The following ETV6 variants were observed in gnomAD, a reference collection of about 807,000 sequenced individuals.
ETV6 encodes ETS variant transcription factor 6, also known as transcription factor ETV6.
Under a neutral mutation model 51.1 loss-of-function variants are expected in ETV6, and 16 were observed. The observed-to-expected ratio is 0.31, with a 90% confidence interval of 0.21 to 0.48. The LOEUF (loss-of-function observed/expected upper bound fraction) is 0.48, where lower values mean the gene tolerates loss of function less well. Among genes scored for constraint, ETV6 ranks in the 20% least tolerant of loss-of-function variants. The pLI is 0.99. For synonymous variants in ETV6, 240 were observed against 224.1 expected, an observed-to-expected ratio of 1.07 and a Z score of -0.64; for missense variants, 458 against 594.8, an observed-to-expected ratio of 0.77 and a Z score of 2.39.
intron 1 of ETV6, chr12:11,751,359 G>A (rs1866023451): frequency 1.9e-6 from 1 of 518,850 alleles, no homozygotes; most frequent in Non-Finnish European, 3.8e-6. Context: ...TTTTCATAGT[G>A]GCATCTTACT....
chr12:11,694,489 T>C (rs1864835402), intron 1 of ETV6, among the ~76,000 whole-genome samples: 1 of 152,194 alleles, frequency 6.6e-6, no homozygotes, highest in Non-Finnish European at 1.5e-5. Flanking sequence ...TCTGTAATGC[T>C]CAATATATTT....
At chr12:11,671,030 A>C (rs1355010955) in intron 1 of ETV6, among the ~76,000 whole-genome samples, 1 of 152,170 alleles carries the variant, frequency 6.6e-6, no homozygotes, top group Non-Finnish European at 1.5e-5. Context: ...GAATAACCCA[A>C]ACCTTAAAGG....
At position 11,893,794 on chromosome 12, in the gene ETV6, TTATATATATATATATATATATATATATA is replaced by T. The variant is rs57308697; in HGVS notation, c.*2769_*2796del. On this transcript the variant is annotated 3_prime_UTR_variant, in exon 8 of 8. Coordinates refer to ENST00000396373, the MANE Select transcript of ETV6 (RefSeq NM_001987.5). ...GTGTCCATCCCCAAGATCTCTCATT[TTATATATATATATATATATATATATATA>T]TATATATATATATATATATACACAC... 66 of 79,474 alleles carry T rather than the reference TTATATATATATATATATATATATATATA, an allele frequency of 8.3e-4. 1 individual carries two copies. Among genetic ancestry groups the T allele is most frequent in the Middle Eastern group, 5.1e-3 (1 of 198 alleles). The allele number at this position is 79,474 out of a possible 1,614,324, so 4.9% of individuals were successfully genotyped here.
At chr12:11,674,972 A>G (rs1334583659) in intron 1 of ETV6, among the ~76,000 whole-genome samples, 1 of 152,202 alleles carries the variant, frequency 6.6e-6, no homozygotes, top group Non-Finnish European at 1.5e-5. Context: ...CATTTATGGA[A>G]GGGATTTAAT....
chr12:11,727,222 G>A (rs1159731873), intron 1 of ETV6, among the ~76,000 whole-genome samples: 1 of 152,216 alleles, frequency 6.6e-6, no homozygotes, highest in Non-Finnish European at 1.5e-5. Flanking sequence ...GCTGTTGAAT[G>A]GGGAGTTTGT....
chr12:11,659,137 T>C (rs971652768), intron 1 of ETV6, among the ~76,000 whole-genome samples: 1 of 152,210 alleles, frequency 6.6e-6, no homozygotes, highest in Non-Finnish European at 1.5e-5. Flanking sequence ...TCGTGGAAGT[T>C]TAATTATACA....
At chr12:11,791,576 C>T (rs1372697717) in intron 2 of ETV6, among the ~76,000 whole-genome samples, 3 of 152,164 alleles carry the variant, frequency 2.0e-5, no homozygotes, top group African/African-American at 7.2e-5. Context: ...GCTTTGTATT[C>T]GTGTCCAGTT....
At chr12:11,711,953 G>T (rs1482039816) in intron 1 of ETV6, among the ~76,000 whole-genome samples, 1 of 152,092 alleles carries the variant, frequency 6.6e-6, no homozygotes, top group Non-Finnish European at 1.5e-5. Flanking sequence ...TTTTGTCAAG[G>T]CTCCAGCAAA....
intron 1 of ETV6, among the ~76,000 whole-genome samples, chr12:11,697,107 A>G (rs533705296): frequency 1.3e-5 from 2 of 152,352 alleles, no homozygotes; most frequent in Admixed American, 1.3e-4. Flanking sequence ...CATGGATTAC[A>G]TAGATTGTGA....
At chr12:11,848,738 C>A (rs1442847566) in intron 3 of ETV6, among the ~76,000 whole-genome samples, 1 of 152,330 alleles carries the variant, frequency 6.6e-6, no homozygotes, top group South Asian at 2.1e-4. Context: ...AAGTGAAGGG[C>A]CCCGAAGCTC....
chr12:11,668,048 G>T (rs920810367), intron 1 of ETV6, among the ~76,000 whole-genome samples: 1 of 151,818 alleles, frequency 6.6e-6, no homozygotes. Flanking sequence ...TTGCCTGGCT[G>T]GTCTTGAACT....
intron 1 of ETV6, among the ~76,000 whole-genome samples, chr12:11,650,621 C>A (rs1863888450): frequency 6.6e-6 from 1 of 150,614 alleles, no homozygotes; most frequent in Non-Finnish European, 1.5e-5. Flanking sequence ...GCGATAGAAT[C>A]TTTTTATTTT....
intron 7 of ETV6, 42 bp downstream of exon 7, chr12:11,886,068 C>CTGT (rs1555147724): frequency 7.0e-7 from 1 of 1,437,532 alleles, no homozygotes; most frequent in Non-Finnish European, 9.8e-7. Flanking sequence ...TGGGAGGATG[C>CTGT]TGTTTTCTTT....
At chr12:11,861,317 AGTCCTGCT>A (rs1465560979) in intron 4 of ETV6, among the ~76,000 whole-genome samples, 1 of 152,110 alleles carries the variant, frequency 6.6e-6, no homozygotes. Flanking sequence ...GCCTTCTGCA[AGTCCTGCT>A]TTCCTCTCCA....
intron 3 of ETV6, among the ~76,000 whole-genome samples, chr12:11,842,336 C>T (rs887067556): frequency 1.3e-5 from 2 of 151,956 alleles, no homozygotes; most frequent in Non-Finnish European, 2.9e-5. Context: ...GTTCTACCTC[C>T]ATCTAGGCTA....
In ETV6 at chr12:11,744,921, AG is replaced by A. The variant is rs372823240; in HGVS notation, c.34-7528del. ...TAAGGAAATTCAGGAAAAAAAAAAA[AG>A]AGAGAATTTCATGGCATGTCAAGAA... is the stretch of plus-strand genomic sequence containing the variant. On this transcript the variant is annotated intron_variant, in intron 1 of 7. Coordinates refer to ENST00000396373, the MANE Select transcript of ETV6 (RefSeq NM_001987.5). Among the ~76,000 whole-genome samples, 123 of 80,664 alleles carry A rather than the reference AG, an allele frequency of 1.5e-3. No individual in the cohort carries two copies. In the Middle Eastern group the frequency reaches 0.016, roughly 11 times the overall value. The allele number at this position is 80,664 out of a possible 152,430, so 52.9% of individuals were successfully genotyped here.
intron 1 of ETV6, among the ~76,000 whole-genome samples, chr12:11,748,884 C>T (rs1320920545): frequency 2.0e-5 from 3 of 151,894 alleles, no homozygotes; most frequent in Admixed American, 1.3e-4. Flanking sequence ...CTCCATACTT[C>T]ATTATTTTTT....
At chr12:11,790,224 A>G (rs1945561462) in intron 2 of ETV6, among the ~76,000 whole-genome samples, 1 of 150,870 alleles carries the variant, frequency 6.6e-6, no homozygotes, top group Non-Finnish European at 1.5e-5. Flanking sequence ...TCTGGATGAT[A>G]TTTTTCTTTC....
rs1336998892 is a variant in ETV6, at chr12:11,788,756, G to GTTTT, written c.163+36191_163+36194dup. On this transcript the variant is annotated intron_variant, in intron 2 of 7. Transcript: ENST00000396373. The stretch of plus-strand genomic sequence containing the variant: ...ATTCTTAAATCACGTGCTTGTATTG[G>GTTTT]TTTTTTTTTTTTTTTTTCATTTCTA... 5.4e-3 allele frequency among the ~76,000 whole-genome samples: 555 copies of GTTTT among 102,452 alleles called. 5 individuals carry two copies. Among genetic ancestry groups the GTTTT allele is most frequent in the South Asian group, 0.027 (70 of 2,640 alleles). The allele number at this position is 102,452 out of a possible 152,430, so 67.2% of individuals were successfully genotyped here. A position where few individuals can be genotyped will look rare whatever the true frequency, so the allele number is the denominator to read the frequency against.
Sources: allele counts gnomAD v4.1 joint callset (sites outside exome capture counted in the v4.1 genomes callset), GRCh38; gene constraint gnomAD v4.1.1; transcripts MANE v1.5; gene names NCBI Gene and HGNC (gene_info 2026-07-23, HGNC 2026-07-21).